Variants in NOTCH1 observed in about 807,000 individuals in gnomAD.
The protein encoded by NOTCH1 is notch receptor 1.
In NOTCH1, 37 loss-of-function variants were observed where a neutral mutation model predicts 254.8. The observed-to-expected ratio is 0.15, with a 90% CI of 0.11 to 0.19. NOTCH1 has a LOEUF of 0.19. Ranked by LOEUF, NOTCH1 falls within the 10% of genes least tolerant of loss-of-function variation. The probability of loss-of-function intolerance (pLI) is 1.00; values close to 1 mark genes in which losing one functional copy is unlikely to be tolerated. For missense variants in NOTCH1, 2,972 were observed against 3,708.6 expected (o/e 0.80, Z 5.16); for synonymous variants, 1,731 against 1,618.1 (o/e 1.07, Z -1.68).
intron 2 of NOTCH1, among the ~76,000 whole-genome samples, chr9:136,524,942 C>G (rs1339674908): frequency 1.3e-5 from 2 of 152,164 alleles, no homozygotes; most frequent in Non-Finnish European, 2.9e-5. Context: ...GGCCAGGAAG[C>G]CTTTCTGATG....
chr9:136,512,564 G>A (rs1199811684), intron 15 of NOTCH1, among the ~76,000 whole-genome samples: 1 of 152,154 alleles, frequency 6.6e-6, no homozygotes, highest in East Asian at 1.9e-4. Flanking sequence ...CGCCATCAAA[G>A]GAATCCCTCA....
At chr9:136,517,467 G>A (rs1187427664) in intron 8 of NOTCH1, 82 bp from the exon 9 acceptor site, 71 of 1,030,490 alleles carry the variant, frequency 6.9e-5, no homozygotes, top group East Asian at 2.9e-4. Context: ...GGACAGAAAC[G>A]AACCCTGCCT....
In NOTCH1 at chr9:136,544,111, G is replaced by A. The variant is rs368106834; in HGVS notation, c.62-9C>T. On this transcript the variant is annotated splice_polypyrimidine_tract_variant and intron_variant, in intron 1 of 33. Coordinates refer to ENST00000651671, the MANE Select transcript of NOTCH1 (RefSeq NM_017617.5). ...CTGGGAGCATCGCGGGCCTAGGCAG[G>A]GGCAGGAGAAGAGAGGTCAGTCTCA... 4 of 1,566,192 alleles carry A rather than the reference G, an allele frequency of 2.6e-6. No homozygotes were observed. The highest frequency in any genetic ancestry group is 2.6e-6 in the Non-Finnish European group (3 of 1,156,588).
Position 136,494,985 on chromosome 9 carries a change from T to C in NOTCH1, c.*1086A>G, listed in dbSNP as rs1284920740. 2.5e-6 allele frequency: 1 copy of C among 398,742 alleles called. No homozygotes were observed. Among genetic ancestry groups the C allele is most frequent in the Admixed American group, 4.4e-5 (1 of 22,706 alleles). The allele number at this position is 398,742 out of a possible 1,614,324, so 24.7% of individuals were successfully genotyped here. ...GGACCAAAGGACGCAGCCCACGGCG[T>C]TGCACAGCTCAATGTGCCCGGCTCT... On this transcript the variant is annotated 3_prime_UTR_variant, in exon 34 of 34. Coordinates refer to ENST00000651671, the MANE Select transcript of NOTCH1 (RefSeq NM_017617.5).
Position 136,499,000 on chromosome 9 carries a change from C to T in NOTCH1, c.6083-4G>A, listed in dbSNP as rs570242146. ...GCCCAGTGCAGGGCGGACTTGCCTG[C>T]GTGAAAGAAGCAGATGGGGTAGGTT... On this transcript the variant is annotated splice_polypyrimidine_tract_variant and splice_region_variant and intron_variant, in intron 32 of 33. Coordinates refer to ENST00000651671, the MANE Select transcript of NOTCH1 (RefSeq NM_017617.5). The T allele has an allele frequency of 2.5e-5, 41 of 1,613,154 alleles. No individual in the cohort carries two copies. The highest frequency in any genetic ancestry group is 3.2e-5 in the Non-Finnish European group (38 of 1,180,022).
At chr9:136,524,059 T>C (rs936549778) in intron 2 of NOTCH1, 80 bp from the exon 3 acceptor site, 29 of 1,516,000 alleles carry the variant, frequency 1.9e-5, no homozygotes, top group African/African-American at 2.8e-5. Context: ...GAACCTGTCA[T>C]GGGCACAGCC....
chr9:136,519,154 C>T (rs1009114762), intron 5 of NOTCH1, among the ~76,000 whole-genome samples: 1 of 152,230 alleles, frequency 6.6e-6, no homozygotes, highest in Non-Finnish European at 1.5e-5. Flanking sequence ...TGCTGAAGGC[C>T]CTCAATGCCA....
At chr9:136,537,308 C>T (rs750184540) in intron 2 of NOTCH1, among the ~76,000 whole-genome samples, 2 of 152,152 alleles carry the variant, frequency 1.3e-5, no homozygotes, top group Non-Finnish European at 2.9e-5. Context: ...CTAGTCCACG[C>T]GTGACATGGA....
chr9:136,499,551 C>T (rs113348863), intron 31 of NOTCH1, among the ~76,000 whole-genome samples: 55 of 152,362 alleles, frequency 3.6e-4, no homozygotes, highest in African/African-American at 1.2e-3. Flanking sequence ...GCCATGACCA[C>T]CTACAAAACA....
intron 2 of NOTCH1, among the ~76,000 whole-genome samples, chr9:136,532,578 G>A (rs1354666687): frequency 2.0e-5 from 3 of 152,152 alleles, no homozygotes; most frequent in Non-Finnish European, 2.9e-5. Context: ...CGTGCCGCCC[G>A]AGACCCAGCT....
Position 136,506,070 on chromosome 9 carries a change from G to A in NOTCH1, c.4015-189C>T, listed in dbSNP as rs1243545901. On this transcript the variant is annotated intron_variant, in intron 24 of 33. Coordinates refer to ENST00000651671, the MANE Select transcript of NOTCH1 (RefSeq NM_017617.5). This position sits in a 1 kb window ranked among gnomAD's most constrained non-coding sequence, Gnocchi z 4.5. ...ACAGAGAAAGATCGGGGGTGCCAGG[G>A]GGTCGGGAGATGGAGGAAGGGGTAA... Among the ~76,000 whole-genome samples, 5 of 152,300 alleles carry A rather than the reference G, an allele frequency of 3.3e-5. No individual in the cohort carries two copies. In the East Asian group the frequency reaches 9.6e-4, roughly 29 times the overall value.
chr9:136,509,086 G>C lies in NOTCH1; in HGVS notation c.2970-15C>G, dbSNP rs749173624. ...TGAAGCAGGAGCTGCAAGGGGGTGG[G>C]CAGGCGGGGGCTGAGTGGAGGGCAT... On this transcript the variant is annotated splice_polypyrimidine_tract_variant and intron_variant, in intron 18 of 33. Coordinates refer to ENST00000651671, the MANE Select transcript of NOTCH1 (RefSeq NM_017617.5). 1.3e-6 allele frequency: 2 copies of C among 1,551,096 alleles called. No individual in the cohort carries two copies. The highest frequency in any genetic ancestry group is 1.7e-6 in the Non-Finnish European group (2 of 1,148,114).
chr9:136,525,399 A>G (rs1843443473), intron 2 of NOTCH1, among the ~76,000 whole-genome samples: 1 of 152,052 alleles, frequency 6.6e-6, no homozygotes, highest in Admixed American at 6.5e-5. Context: ...GCTCCGGGAA[A>G]AGGTCTGGGA....
chr9:136,510,634 G>C lies in NOTCH1; in HGVS notation c.2740+19C>G, dbSNP rs1379653488. The C allele has an allele frequency of 1.3e-6, 2 of 1,598,900 alleles. No homozygotes were observed. The highest frequency in any genetic ancestry group is 2.2e-5 in the East Asian group (1 of 44,462). ...CCTGAGAGCTTCCTGGAGGAGGCCA[G>C]AGCCGCGGGGCTACTCACTGGGCCG... On this transcript the variant is annotated intron_variant, in intron 17 of 33. Coordinates refer to ENST00000651671, the MANE Select transcript of NOTCH1 (RefSeq NM_017617.5).
rs2133322124 is a variant in NOTCH1 at position 136,499,031 on chromosome 9, C to A, written c.6083-35G>T. 1.9e-6 allele frequency: 3 copies of A among 1,612,644 alleles called. No individual in the cohort carries two copies. In the East Asian group the frequency reaches 6.7e-5, roughly 36 times the overall value. ...AGAAGCAGATGGGGTAGGTTGGAGA[C>A]CAGCTGGAGGCAACCCAGTCCCACC... is the stretch of plus-strand genomic sequence containing the variant. On this transcript the variant is annotated intron_variant, in intron 32 of 33. Transcript: ENST00000651671.
chr9:136,537,740 C>G (rs1238640640), intron 2 of NOTCH1, among the ~76,000 whole-genome samples: 1 of 152,156 alleles, frequency 6.6e-6, no homozygotes, highest in African/African-American at 2.4e-5. Context: ...AGGCTGCAGT[C>G]AGCCGTGATC....
intron 2 of NOTCH1, chr9:136,543,594 C>A (rs1013426583): frequency 1.4e-5 from 5 of 357,696 alleles, no homozygotes; most frequent in South Asian, 4.3e-5. Context: ...GGAGGCATCA[C>A]CCCCGAGAGG....
rs534300140 is a variant in NOTCH1, at chr9:136,521,958, G to A, written c.742+892C>T. Among the ~76,000 whole-genome samples, 7 of 151,582 alleles carry A rather than the reference G, an allele frequency of 4.6e-5. No individual in the cohort carries two copies. In the East Asian group the frequency reaches 7.8e-4, roughly 17 times the overall value. ...CCATTCTGTGCAGCTGAGATTGGAG[G>A]TTTTCTTTTTTCTCTTCACTTTTTT... is the stretch of plus-strand genomic sequence containing the variant. On this transcript the variant is annotated intron_variant, in intron 4 of 33. Coordinates refer to ENST00000651671, the MANE Select transcript of NOTCH1 (RefSeq NM_017617.5).
At chr9:136,512,884 C>A in intron 15 of NOTCH1, 137 bp downstream of exon 15, 1 of 658,444 alleles carries the variant, frequency 1.5e-6, no homozygotes, top group South Asian at 1.7e-5. Context: ...CCACTTTACC[C>A]TCCAGTCACG....
Sources: allele counts gnomAD v4.1 joint callset (sites outside exome capture counted in the v4.1 genomes callset), GRCh38; gene constraint gnomAD v4.1.1; non-coding constraint Gnocchi (gnomAD v3.1); transcripts MANE v1.5; gene names NCBI Gene and HGNC (gene_info 2026-07-23, HGNC 2026-07-21).